Variants in UNC5C observed in about 807,000 individuals in gnomAD.
The protein encoded by UNC5C is unc-5 netrin receptor C, also known as netrin receptor UNC5C.
A neutral mutation model predicts 99.8 loss-of-function variants in UNC5C; 47 were observed. The observed-to-expected ratio is 0.47, with a 90% confidence interval of 0.37 to 0.60. The LOEUF (loss-of-function observed/expected upper bound fraction) is 0.60. Among genes scored for constraint, UNC5C ranks in the 20% least tolerant of loss-of-function variants. The probability of loss-of-function intolerance (pLI) is 0.00; values close to 1 mark genes in which losing one functional copy is unlikely to be tolerated. For synonymous variants in UNC5C, 487 were observed against 452.2 expected (o/e 1.08, Z -0.98); for missense variants, 1,062 against 1,165.9 (o/e 0.91, Z 1.30).
intron 1 of UNC5C, among the ~76,000 whole-genome samples, chr4:95,504,745 TC>T (rs1721870667): frequency 6.6e-6 from 1 of 152,068 alleles, no homozygotes; most frequent in Admixed American, 6.6e-5. Flanking sequence ...AATTAACAGC[TC>T]TTTAAAAAGC....
intron 1 of UNC5C, among the ~76,000 whole-genome samples, chr4:95,420,130 C>T (rs1746275227): frequency 6.6e-6 from 1 of 152,130 alleles, no homozygotes; most frequent in South Asian, 2.1e-4. Context: ...TTATTCTACA[C>T]TTACTGTGTG....
intron 12 of UNC5C, among the ~76,000 whole-genome samples, chr4:95,197,171 G>T (rs1473882618): frequency 1.4e-5 from 2 of 144,396 alleles, no homozygotes; most frequent in African/African-American, 5.1e-5. Context: ...TATCCACATG[G>T]ATAATATAAC....
At chr4:95,259,952 C>G (rs1388612331) in intron 4 of UNC5C, among the ~76,000 whole-genome samples, 3 of 152,144 alleles carry the variant, frequency 2.0e-5, no homozygotes, top group Non-Finnish European at 2.9e-5. Context: ...ACATCAGTCT[C>G]TCAGCCCCAT....
chr4:95,382,750 A>G (rs1745107453), intron 1 of UNC5C, among the ~76,000 whole-genome samples: 1 of 152,106 alleles, frequency 6.6e-6, no homozygotes, highest in Non-Finnish European at 1.5e-5. Flanking sequence ...TTGATTTTAA[A>G]TTGATTCTCC....
chr4:95,407,328 C>A (rs536885230), intron 1 of UNC5C, among the ~76,000 whole-genome samples: 1 of 151,894 alleles, frequency 6.6e-6, no homozygotes, highest in Non-Finnish European at 1.5e-5. Context: ...GTATGTTTCA[C>A]CAGCTGTGGG....
intron 1 of UNC5C, among the ~76,000 whole-genome samples, chr4:95,344,885 G>A (rs1216758076): frequency 6.6e-6 from 1 of 151,524 alleles, no homozygotes; most frequent in Admixed American, 6.6e-5. Flanking sequence ...TGCCAACTGA[G>A]GAAAAAACCT....
In UNC5C at chr4:95,400,497, A is replaced by G. The variant is rs1315299663; in HGVS notation, c.125-64866T>C. ...AAGCTCCGCCTCCCAGTTTCATGCCATTTTCCTGCCTCAGCCTGCCGAGTA... is the reference window on the plus strand; with the variant it reads ...AAGCTCCGCCTCCCAGTTTCATGCCGTTTTCCTGCCTCAGCCTGCCGAGTA... On this transcript the variant is annotated intron_variant, in intron 1 of 15. Transcript: ENST00000453304. 8.2e-5 allele frequency among the ~76,000 whole-genome samples: 11 copies of G among 134,658 alleles called. No homozygotes were observed. The South Asian group carries it at 1.9e-3, about 23-fold the overall frequency. 88.3% of individuals were successfully genotyped at this position (134,658 alleles called of 152,430 possible).
chr4:95,222,389 C>T, intron 7 of UNC5C: 2 of 569,816 alleles, frequency 3.5e-6, no homozygotes, highest in Non-Finnish European at 2.9e-6. Flanking sequence ...TTTTAAAATT[C>T]TGATTCAGTA....
intron 7 of UNC5C, among the ~76,000 whole-genome samples, chr4:95,235,482 G>A (rs1346488770): frequency 1.3e-5 from 2 of 152,070 alleles, no homozygotes; most frequent in African/African-American, 4.8e-5. Context: ...AAGCTCTTTA[G>A]TTTAATTAGA....
chr4:95,525,509 C>T (rs1722473935), intron 1 of UNC5C, among the ~76,000 whole-genome samples: 1 of 144,854 alleles, frequency 6.9e-6, no homozygotes, highest in Non-Finnish European at 1.5e-5. Context: ...ACATGTAACT[C>T]GAAATGTGAT....
chr4:95,439,223 C>G (rs1219805009), intron 1 of UNC5C, among the ~76,000 whole-genome samples: 1 of 152,028 alleles, frequency 6.6e-6, no homozygotes, highest in African/African-American at 2.4e-5. Context: ...CCAACAAATA[C>G]AGATAAATAA....
chr4:95,231,571 T>C (rs181418734), intron 7 of UNC5C, among the ~76,000 whole-genome samples: 7 of 152,318 alleles, frequency 4.6e-5, no homozygotes, highest in Admixed American at 2.0e-4. Context: ...CCGCTTGGTC[T>C]TCTTTTTTGC....
At chr4:95,202,000 CCAAT>C (rs1252741550) in intron 12 of UNC5C, among the ~76,000 whole-genome samples, 1 of 152,126 alleles carries the variant, frequency 6.6e-6, no homozygotes, top group Non-Finnish European at 1.5e-5. Context: ...TGGTCAAAAC[CCAAT>C]CCTCCATTAG....
At chr4:95,322,907 C>T (rs1362460405) in intron 2 of UNC5C, among the ~76,000 whole-genome samples, 1 of 146,870 alleles carries the variant, frequency 6.8e-6, no homozygotes, top group Non-Finnish European at 1.5e-5. Flanking sequence ...CACTGCACTT[C>T]AGCCTGGGTG....
intron 2 of UNC5C, among the ~76,000 whole-genome samples, chr4:95,304,001 A>G (rs1298145645): frequency 1.3e-5 from 2 of 152,194 alleles, no homozygotes; most frequent in African/African-American, 4.8e-5. Context: ...AAACACACTC[A>G]GGGAAATGAA....
In UNC5C at chr4:95,265,093, G is replaced by A. The variant is rs548847088; in HGVS notation, c.594+13166C>T. Among the ~76,000 whole-genome samples the A allele has an allele frequency of 2.3e-3, 350 of 152,266 alleles. 1 individual carries two copies. The highest frequency in any genetic ancestry group is 4.0e-3 in the Non-Finnish European group (269 of 68,014). On this transcript the variant is annotated intron_variant, in intron 4 of 15. Coordinates refer to ENST00000453304, the MANE Select transcript of UNC5C (RefSeq NM_003728.4). ...TTAATTGGGCAGACAAAGGGCCCAA[G>A]AATCAGTGTAAAAACTCCTCAGGTG... is the stretch of plus-strand genomic sequence containing the variant.
intron 1 of UNC5C, among the ~76,000 whole-genome samples, chr4:95,545,772 G>GCACACA (rs3975180): frequency 0.015 from 2,227 of 148,400 alleles, 13 homozygotes; most frequent in Non-Finnish European, 0.02. Context: ...GCGCGCGCGC[G>GCACACA]CACACACACA....
At chr4:95,195,126 G>A (rs1034637723) in intron 12 of UNC5C, among the ~76,000 whole-genome samples, 1 of 152,132 alleles carries the variant, frequency 6.6e-6, no homozygotes, top group Admixed American at 6.5e-5. Context: ...CATACGCATG[G>A]CAAACAGTGT....
intron 1 of UNC5C, among the ~76,000 whole-genome samples, chr4:95,411,099 T>C (rs1380330765): frequency 6.6e-6 from 1 of 152,182 alleles, no homozygotes; most frequent in Non-Finnish European, 1.5e-5. Flanking sequence ...TTATCTGTTA[T>C]TGAAAATTTC....
Sources: allele counts gnomAD v4.1 joint callset (sites outside exome capture counted in the v4.1 genomes callset), GRCh38; gene constraint gnomAD v4.1.1; transcripts MANE v1.5; gene names NCBI Gene and HGNC (gene_info 2026-07-23, HGNC 2026-07-21).